The following ZNF773 variants were observed in gnomAD, a reference collection of about 807,000 sequenced individuals.
The protein encoded by ZNF773 is zinc finger protein 419B.
ZNF773 carries 11 observed loss-of-function variants against 12.8 expected under a neutral mutation model. That is an observed-to-expected ratio of 0.86 (90% CI 0.54 to 1.42). The LOEUF (loss-of-function observed/expected upper bound fraction) is 1.42. Ranked by LOEUF, ZNF773 falls within the 40% of genes most tolerant of loss-of-function variation. ZNF773 has a pLI of 0.00. For missense variants in ZNF773, 518 were observed against 527.2 expected, an observed-to-expected ratio of 0.98 and a Z score of 0.17; for synonymous variants, 175 against 178.4, an observed-to-expected ratio of 0.98 and a Z score of 0.15.
intron 1 of ZNF773, among the ~76,000 whole-genome samples, chr19:57,501,603 A>T (rs2089671446): frequency 6.6e-6 from 1 of 152,210 alleles, no homozygotes; most frequent in Admixed American, 6.5e-5. Context: ...CACAACAGGT[A>T]AGAGGCATCA....
intron 1 of ZNF773, among the ~76,000 whole-genome samples, chr19:57,502,730 C>T (rs1172038672): frequency 4.6e-5 from 7 of 151,966 alleles, no homozygotes; most frequent in Non-Finnish European, 7.4e-5. Flanking sequence ...CTCGCTCTGT[C>T]GCCCAGGCTG....
chr19:57,504,839 C>T (rs1452578787), intron 2 of ZNF773, 53 bp downstream of exon 2: 11 of 1,581,984 alleles, frequency 7.0e-6, no homozygotes, highest in African/African-American at 5.3e-5. Context: ...GGCTTTTCCT[C>T]CTTTTCCTAG....
intron 1 of ZNF773, among the ~76,000 whole-genome samples, chr19:57,502,761 G>A (rs1282019604): frequency 6.6e-6 from 1 of 152,032 alleles, no homozygotes; most frequent in East Asian, 1.9e-4. Context: ...GCATGATCTC[G>A]GCTCACTGCA....
rs1036085305 is a variant in ZNF773, at chr19:57,507,749, C to T, written c.*325C>T. On this transcript the variant is annotated 3_prime_UTR_variant, in exon 4 of 4. Coordinates refer to ENST00000282292, the MANE Select transcript of ZNF773 (RefSeq NM_198542.3). ...CACCACTTTGGGAGGCTGAAGCGGG[C>T]GGATCACAAGGTCAGGACATCGAAA... The T allele has an allele frequency of 3.5e-5, 38 of 1,082,220 alleles. No individual in the cohort carries two copies. In the African/African-American group the frequency reaches 4.8e-4, roughly 14 times the overall value. The allele number at this position is 1,082,220 out of a possible 1,614,324, so 67.0% of individuals were successfully genotyped here. A position where few individuals can be genotyped will look rare whatever the true frequency, so the allele number is the denominator to read the frequency against.
At chr19:57,503,312 T>C (rs769499118) in intron 1 of ZNF773, among the ~76,000 whole-genome samples, 18 of 152,090 alleles carry the variant, frequency 1.2e-4, no homozygotes, top group Admixed American at 2.0e-4. Context: ...GGAGAATGTA[T>C]AGGGGCCAAG....
chr19:57,507,403 TCA>T lies in ZNF773; in HGVS notation c.1312_1313del (p.Thr438TrpfsTer26). 1 of 1,604,092 alleles carries T rather than the reference TCA, an allele frequency of 6.2e-7. No homozygotes were observed. Among genetic ancestry groups the T allele is most frequent in the Non-Finnish European group, 8.5e-7 (1 of 1,176,080 alleles). On this transcript the variant is annotated frameshift_variant, in exon 4 of 4. Coordinates refer to ENST00000282292, the MANE Select transcript of ZNF773 (RefSeq NM_198542.3). LOFTEE classifies it high-confidence loss of function. ...SSSLVKHRRIHTGEIQ is the reference protein window; with the variant it reads ...SSSLVKHRRIXTGEIQ ...CCAGTCTTGTTAAACATCGAAGGAT[TCA>T]CACTGGAGAAATACAATGATTGTGA...
chr19:57,510,233 T>C (rs1414960917), downstream of ZNF773, among the ~76,000 whole-genome samples: 3 of 152,246 alleles, frequency 2.0e-5, no homozygotes, highest in African/African-American at 7.2e-5. Flanking sequence ...TTATCAAGAA[T>C]AGAAGTTAGA....
intron 1 of ZNF773, 138 bp from the exon 2 acceptor site, chr19:57,504,519 G>A: frequency 1.6e-6 from 2 of 1,256,080 alleles, no homozygotes; most frequent in Non-Finnish European, 2.2e-6. Context: ...GGAGAGAGTG[G>A]GCATCAGTGG....
chr19:57,500,306 A>G (rs1176823925), intron 1 of ZNF773, among the ~76,000 whole-genome samples, 193 bp downstream of exon 1: 1 of 151,836 alleles, frequency 6.6e-6, no homozygotes, highest in Admixed American at 6.6e-5. Flanking sequence ...CGAGTCCCGA[A>G]CCTGAGGCCT....
chr19:57,506,238 G>C, intron 3 of ZNF773, 120 bp from the exon 4 acceptor site: 1 of 1,479,918 alleles, frequency 6.8e-7, no homozygotes, highest in Non-Finnish European at 9.0e-7. Flanking sequence ...CCAAGCGCTA[G>C]CCCCCTCATT....
intron 1 of ZNF773, among the ~76,000 whole-genome samples, chr19:57,501,507 A>G (rs907227222): frequency 3.3e-5 from 5 of 152,202 alleles, no homozygotes. Context: ...GATACAAACA[A>G]TAGTCCTATT....
In ZNF773 at chr19:57,506,788, G is replaced by A. The variant is rs2089742007; in HGVS notation, c.693G>A (p.Lys231=). 2.5e-6 allele frequency: 4 copies of A among 1,614,180 alleles called. No homozygotes were observed. The highest frequency in any genetic ancestry group is 3.4e-6 in the Non-Finnish European group (4 of 1,180,034). ...CSECGKLFSH[K]SNLFIHQIVH... is the part of the protein sequence containing the mutation. ...AATGTGGGAAGTTATTTAGCCATAA[G>A]TCCAACCTTTTTATACACCAAATAG... Residue 231 remains lysine (K), a synonymous_variant, in exon 4 of 4, where the codon AAG becomes AAA. Transcript: ENST00000282292.
chr19:57,508,683 G>A (rs1424850577), downstream of ZNF773: 1 of 608,432 alleles, frequency 1.6e-6, no homozygotes, highest in Admixed American at 2.6e-5. Flanking sequence ...ATTACTGACA[G>A]TTTACATGTA....
In ZNF773 at chr19:57,507,998, C is replaced by T. The variant is rs920285816; in HGVS notation, c.*574C>T. 15 of 189,240 alleles carry T rather than the reference C, an allele frequency of 7.9e-5. No homozygotes were observed. The highest frequency in any genetic ancestry group is 7.3e-4 in the South Asian group (4 of 5,516). The allele number at this position is 189,240 out of a possible 1,614,324, so 11.7% of individuals were successfully genotyped here. ...AAAAAAAAAAAAAAAAAAATTAGCC[C>T]GGCGTGGTGGCAGGCAACTGTAGTC... is the stretch of plus-strand genomic sequence containing the variant. On this transcript the variant is annotated 3_prime_UTR_variant, in exon 4 of 4. Transcript: ENST00000282292.
chr19:57,508,505 T>C, downstream of ZNF773: 1 of 700,422 alleles, frequency 1.4e-6, no homozygotes, highest in Non-Finnish European at 2.6e-6. Flanking sequence ...ATTGTGTTTT[T>C]ATAATTTTCA....
chr19:57,507,952 G>A lies in ZNF773; in HGVS notation c.*528G>A, dbSNP rs1331411235. On this transcript the variant is annotated 3_prime_UTR_variant, in exon 4 of 4. Transcript: ENST00000282292. ...CACGCCACTGCACTCCAGACTGGGTGACAGAGTGAGACTCTGTCTAAAAAA... is the reference window on the plus strand; with the variant it reads ...CACGCCACTGCACTCCAGACTGGGTAACAGAGTGAGACTCTGTCTAAAAAA... 2 of 158,438 alleles carry A rather than the reference G, an allele frequency of 1.3e-5. No individual in the cohort carries two copies. The highest frequency in any genetic ancestry group is 5.2e-5 in the African/African-American group (2 of 38,612). 9.8% of individuals were successfully genotyped at this position (158,438 alleles called of 1,614,324 possible). A position where few individuals can be genotyped will look rare whatever the true frequency, so the allele number is the denominator to read the frequency against.
Position 57,504,708 on chromosome 19 carries a change from T to C in ZNF773, c.85T>C (p.Trp29Arg). Residue 29 changes from tryptophan (W) to arginine (R), a missense_variant, in exon 2 of 4, where the codon TGG (tryptophan) becomes CGG (arginine). Trp to Arg is a moderately radical substitution (Grantham distance 101). Coordinates refer to ENST00000282292, the MANE Select transcript of ZNF773 (RefSeq NM_198542.3). ...GGCTGTCTACTTCTCCCAGGAGGAATGGAGATTGCTTGATGACGCTCAGAG... is the reference window on the plus strand; with the variant it reads ...GGCTGTCTACTTCTCCCAGGAGGAACGGAGATTGCTTGATGACGCTCAGAG... ...DVAVYFSQEE[W>R]RLLDDAQRLL... The C allele has an allele frequency of 1.2e-6, 2 of 1,613,960 alleles. No homozygotes were observed. The highest frequency in any genetic ancestry group is 1.7e-6 in the Non-Finnish European group (2 of 1,179,984).
intron 1 of ZNF773, among the ~76,000 whole-genome samples, chr19:57,501,263 T>C (rs898493839): frequency 1.2e-4 from 18 of 147,714 alleles, no homozygotes; most frequent in Non-Finnish European, 2.1e-4. Flanking sequence ...GAAACCCACA[T>C]TGTCTTTCTT....
chr19:57,516,632 G>A (rs553157411), downstream of ZNF773: 5 of 152,286 alleles, frequency 3.3e-5, no homozygotes, highest in African/African-American at 1.2e-4. Flanking sequence ...GAAAAATTAT[G>A]TACCTATTAG....
Sources: allele counts gnomAD v4.1 joint callset (sites outside exome capture counted in the v4.1 genomes callset), GRCh38; gene constraint gnomAD v4.1.1; transcripts MANE v1.5; gene names NCBI Gene and HGNC (gene_info 2026-07-23, HGNC 2026-07-21).